The following LOXL2 variants were observed in gnomAD, a reference collection of about 807,000 sequenced individuals.
LOXL2 encodes the protein lysyl oxidase homolog 2.
In LOXL2, 70 loss-of-function variants were observed where a neutral mutation model predicts 93.0. That is an observed-to-expected ratio of 0.75 (90% confidence interval 0.62 to 0.92). LOXL2 has a LOEUF of 0.92. Ranked by LOEUF, LOXL2 falls within the 40% of genes least tolerant of loss-of-function variation. The probability of loss-of-function intolerance (pLI) is 0.00; values close to 1 mark genes in which losing one functional copy is unlikely to be tolerated. For missense variants in LOXL2, 973 were observed against 1,054.9 expected, an observed-to-expected ratio of 0.92 and a Z score of 1.08; for synonymous variants, 438 against 413.2, an observed-to-expected ratio of 1.06 and a Z score of -0.73.
At chr8:23,346,122 TAAAA>T (rs1482223095) in intron 3 of LOXL2, among the ~76,000 whole-genome samples, 3 of 45,782 alleles carry the variant, frequency 6.6e-5, no homozygotes, top group East Asian at 3.8e-4. Flanking sequence ...AAAATTAAAA[TAAAA>T]TAAAATAAAA....
intron 1 of LOXL2, among the ~76,000 whole-genome samples, chr8:23,390,375 G>A (rs540099429): frequency 3.7e-4 from 56 of 152,324 alleles, no homozygotes; most frequent in African/African-American, 1.2e-3. Flanking sequence ...GGCTTGGTCC[G>A]GGCTGTCTGA....
At chr8:23,302,517 G>A (rs1170893772) in intron 11 of LOXL2, among the ~76,000 whole-genome samples, 1 of 150,708 alleles carries the variant, frequency 6.6e-6, no homozygotes, top group Non-Finnish European at 1.5e-5. Flanking sequence ...GGGTCATACT[G>A]TCTGTCTCCT....
intron 9 of LOXL2, among the ~76,000 whole-genome samples, chr8:23,316,147 G>A (rs1003517578): frequency 6.6e-6 from 1 of 152,234 alleles, no homozygotes; most frequent in Non-Finnish European, 1.5e-5. Flanking sequence ...CGTTCTCCGT[G>A]ATGGCAGGAT....
chr8:23,323,007 T>C (rs1803520011), intron 6 of LOXL2, among the ~76,000 whole-genome samples: 2 of 152,200 alleles, frequency 1.3e-5, no homozygotes, highest in Non-Finnish European at 2.9e-5. Flanking sequence ...GGCCCTCGAC[T>C]CTGCCGGAGA....
intron 1 of LOXL2, among the ~76,000 whole-genome samples, chr8:23,397,368 A>T (rs983309816): frequency 6.6e-6 from 1 of 152,186 alleles, no homozygotes; most frequent in Non-Finnish European, 1.5e-5. Context: ...TATGTTACGT[A>T]TATTTTACCA....
chr8:23,313,611 T>C (rs1205269707), intron 9 of LOXL2, among the ~76,000 whole-genome samples: 1 of 152,184 alleles, frequency 6.6e-6, no homozygotes, highest in African/African-American at 2.4e-5. Context: ...AAGCTGAAAC[T>C]GGATCCCTTC....
chr8:23,336,111 C>T (rs1321693743), intron 4 of LOXL2: 1 of 152,276 alleles, frequency 6.6e-6, no homozygotes, highest in Non-Finnish European at 1.5e-5. Context: ...GGAGAAGATA[C>T]TCGGGGGAAC....
At chr8:23,351,449 C>T (rs1307353551) in intron 3 of LOXL2, among the ~76,000 whole-genome samples, 1 of 152,232 alleles carries the variant, frequency 6.6e-6, no homozygotes, top group Non-Finnish European at 1.5e-5. Flanking sequence ...CTCTCTTCTC[C>T]AAACTGCCAT....
intron 4 of LOXL2, among the ~76,000 whole-genome samples, chr8:23,340,392 C>G (rs888430261): frequency 1.3e-5 from 2 of 152,136 alleles, no homozygotes; most frequent in Non-Finnish European, 2.9e-5. Flanking sequence ...CCACTGGACA[C>G]CCCTTAAGTC....
intron 1 of LOXL2, among the ~76,000 whole-genome samples, chr8:23,389,009 G>A (rs1486091380): frequency 6.6e-6 from 1 of 152,180 alleles, no homozygotes; most frequent in Non-Finnish European, 1.5e-5. Context: ...GACATTGTTA[G>A]CCCTTGAAGC....
At chr8:23,398,785 G>T (rs568350227) in intron 1 of LOXL2, among the ~76,000 whole-genome samples, 2 of 152,118 alleles carry the variant, frequency 1.3e-5, no homozygotes, top group East Asian at 3.9e-4. Flanking sequence ...TCAGCCTCCT[G>T]AGTAGCTGGG....
intron 4 of LOXL2, 22 bp downstream of exon 4, chr8:23,340,970 C>T: frequency 1.2e-6 from 2 of 1,601,120 alleles, no homozygotes; most frequent in Non-Finnish European, 1.7e-6. Context: ...TCAAAGCCAC[C>T]CCTTTGGTGC....
At chr8:23,388,910 A>AGAGGTTCAGAACCTTGAACTTACTC (rs571509475) in intron 1 of LOXL2, among the ~76,000 whole-genome samples, 84 of 152,236 alleles carry the variant, frequency 5.5e-4, no homozygotes, top group African/African-American at 1.9e-3. Flanking sequence ...AGGGAGAGAA[A>AGAGGTTCAGAACCTTGAACTTACTC]GAGGTTCAGA....
intron 1 of LOXL2, among the ~76,000 whole-genome samples, chr8:23,394,372 G>A (rs1473990289): frequency 7.4e-6 from 1 of 135,704 alleles, no homozygotes; most frequent in East Asian, 2.4e-4. Flanking sequence ...TAGCCTAGGT[G>A]ACAGAGTGAG....
At chr8:23,383,833 TG>T (rs1018924153) in intron 1 of LOXL2, among the ~76,000 whole-genome samples, 1 of 151,742 alleles carries the variant, frequency 6.6e-6, no homozygotes, top group Admixed American at 6.6e-5. Flanking sequence ...GCTAATTTTT[TG>T]TATTTTTAGT....
At position 23,383,382 on chromosome 8, in the gene LOXL2, C is replaced by T. The variant is rs79746919; in HGVS notation, c.-83-14948G>A. 3.1e-4 allele frequency among the ~76,000 whole-genome samples: 47 copies of T among 152,248 alleles called. 1 individual carries two copies. In the East Asian group the frequency reaches 6.2e-3, roughly 20 times the overall value. On this transcript the variant is annotated intron_variant, in intron 1 of 13. Transcript: ENST00000389131. ...TGTGAAGATCCCTAGCACACAGCATCGAATCAGTCATGTTAATTTGCTTCT... is the reference window on the plus strand; with the variant it reads ...TGTGAAGATCCCTAGCACACAGCATTGAATCAGTCATGTTAATTTGCTTCT...
In LOXL2 at chr8:23,371,751, C is replaced by CAAAA. The variant is rs55780832; in HGVS notation, c.-83-3321_-83-3318dup. ...TGGGCGAAAGAGTGAGAGTCTGTCT[C>CAAAA]AAAAAAAAAAAAAAAAAAAAAAAAA... is the stretch of plus-strand genomic sequence containing the variant. On this transcript the variant is annotated intron_variant, in intron 1 of 13. Transcript: ENST00000389131. 3.0e-4 allele frequency among the ~76,000 whole-genome samples: 13 copies of CAAAA among 43,900 alleles called. 1 individual carries two copies. Among genetic ancestry groups the CAAAA allele is most frequent in the African/African-American group, 6.7e-4 (6 of 9,004 alleles). The allele number at this position is 43,900 out of a possible 152,430, so 28.8% of individuals were successfully genotyped here.
At chr8:23,366,635 C>G (rs1254973878) in intron 2 of LOXL2, among the ~76,000 whole-genome samples, 2 of 152,200 alleles carry the variant, frequency 1.3e-5, no homozygotes, top group Admixed American at 6.5e-5. Context: ...TTGGGCGATT[C>G]TTACGCAGTC....
intron 6 of LOXL2, among the ~76,000 whole-genome samples, chr8:23,325,823 A>G (rs1156632430): frequency 6.6e-6 from 1 of 152,174 alleles, no homozygotes; most frequent in Non-Finnish European, 1.5e-5. Flanking sequence ...TGGGGTCCCG[A>G]TGCGGGCAGG....
Sources: gnomAD v4.1 joint callset for allele counts (sites outside exome capture counted in the v4.1 genomes callset) on GRCh38, gnomAD v4.1.1 for gene constraint, MANE v1.5 for transcripts, NCBI Gene and HGNC (gene_info 2026-07-23, HGNC 2026-07-21) for gene names.